The following GPR39 variants were observed in gnomAD, a reference collection of about 807,000 sequenced individuals.
GPR39 encodes the protein G protein-coupled receptor 39.
A neutral mutation model predicts 18.4 loss-of-function variants in GPR39; 23 were observed. That is an observed-to-expected ratio of 1.25 (90% confidence interval 0.90 to 1.77). The LOEUF is 1.77. Among genes scored for constraint, GPR39 ranks in the 40% most tolerant of loss-of-function variants. The probability of loss-of-function intolerance (pLI) is 0.00; values close to 1 mark genes in which losing one functional copy is unlikely to be tolerated. For missense variants in GPR39, 647 were observed against 602.4 expected (o/e 1.07, Z -0.78); for synonymous variants, 280 against 257.9 (o/e 1.09, Z -0.82).
At chr2:132,611,398 G>A (rs72841252) in intron 1 of GPR39, among the ~76,000 whole-genome samples, 23,123 of 152,170 alleles carry the variant, frequency 0.15, 2,048 homozygotes, top group Non-Finnish European at 0.19. Flanking sequence ...TCTCACTGCC[G>A]TCCTTTAGAG....
chr2:132,501,631 G>A (rs1679037889), intron 1 of GPR39, among the ~76,000 whole-genome samples: 1 of 152,016 alleles, frequency 6.6e-6, no homozygotes, highest in Non-Finnish European at 1.5e-5. Flanking sequence ...CATTGTTTAA[G>A]TCCATTGTTT....
chr2:132,510,588 T>G (rs191045307), intron 1 of GPR39, among the ~76,000 whole-genome samples: 1 of 152,310 alleles, frequency 6.6e-6, no homozygotes, highest in African/African-American at 2.4e-5. Context: ...AGTTTCCAAG[T>G]GTTCTTGAGA....
At chr2:132,575,147 CTT>C (rs377368596) in intron 1 of GPR39, among the ~76,000 whole-genome samples, 3 of 152,026 alleles carry the variant, frequency 2.0e-5, no homozygotes, top group African/African-American at 4.8e-5. Context: ...CTTTCTTACT[CTT>C]TTTATGATGC....
chr2:132,511,415 A>G (rs1053887314), intron 1 of GPR39, among the ~76,000 whole-genome samples: 5 of 152,250 alleles, frequency 3.3e-5, no homozygotes, highest in Admixed American at 6.5e-5. Flanking sequence ...ATTCTTCAAT[A>G]CTACACTAAT....
chr2:132,431,562 T>A (rs1287231844), intron 1 of GPR39, among the ~76,000 whole-genome samples: 4 of 152,230 alleles, frequency 2.6e-5, no homozygotes, highest in Non-Finnish European at 5.9e-5. Flanking sequence ...CCCTGCAAAT[T>A]GAGAGGCCAG....
chr2:132,562,743 CCAGCACA>C (rs1680277302), intron 1 of GPR39, among the ~76,000 whole-genome samples: 1 of 151,810 alleles, frequency 6.6e-6, no homozygotes, highest in African/African-American at 2.4e-5. Context: ...GCAGCAAAAC[CCAGCACA>C]CAGTATGCAC....
intron 1 of GPR39, among the ~76,000 whole-genome samples, chr2:132,533,977 T>C (rs571649084): frequency 1.5e-3 from 221 of 151,974 alleles, no homozygotes; most frequent in Non-Finnish European, 1.4e-3. Context: ...GCAACAAAAG[T>C]CAAAATTGAC....
At chr2:132,433,342 C>T (rs996810256) in intron 1 of GPR39, among the ~76,000 whole-genome samples, 3 of 152,110 alleles carry the variant, frequency 2.0e-5, no homozygotes, top group Non-Finnish European at 2.9e-5. Flanking sequence ...CTGTTGCTAT[C>T]GAGGTAAGCT....
At chr2:132,633,688 A>G (rs547228245) in intron 1 of GPR39, among the ~76,000 whole-genome samples, 17 of 151,886 alleles carry the variant, frequency 1.1e-4, no homozygotes, top group African/African-American at 4.1e-4. Context: ...GTGATGAGAT[A>G]ATGACGACAA....
intron 1 of GPR39, among the ~76,000 whole-genome samples, chr2:132,594,821 T>C (rs1246201616): frequency 6.6e-6 from 1 of 152,128 alleles, no homozygotes; most frequent in Non-Finnish European, 1.5e-5. Context: ...ACTTCGCCAC[T>C]CTATGCTTTG....
chr2:132,492,623 C>CAATATATATACACACCATCTATATAT (rs1450627733), intron 1 of GPR39, among the ~76,000 whole-genome samples: 13 of 68,604 alleles, frequency 1.9e-4, no homozygotes, highest in South Asian at 9.3e-4. Context: ...TCTATATATA[C>CAATATATATACACACCATCTATATAT]AATATATATA....
chr2:132,542,305 C>G (rs143237607), intron 1 of GPR39, among the ~76,000 whole-genome samples: 1 of 152,158 alleles, frequency 6.6e-6, no homozygotes, highest in Non-Finnish European at 1.5e-5. Context: ...AGTGAGGTGA[C>G]AAGGTAAAAG....
intron 1 of GPR39, among the ~76,000 whole-genome samples, chr2:132,560,383 G>A (rs1292271495): frequency 6.6e-6 from 1 of 152,098 alleles, no homozygotes; most frequent in African/African-American, 2.4e-5. Context: ...CCCTGAACCT[G>A]GGTCCCCTTC....
At chr2:132,444,665 G>A (rs561341109) in intron 1 of GPR39, among the ~76,000 whole-genome samples, 1 of 152,136 alleles carries the variant, frequency 6.6e-6, no homozygotes, top group African/African-American at 2.4e-5. Flanking sequence ...GTGTTTGGCC[G>A]CTTCATTTAA....
At chr2:132,419,444 A>C (rs539069878) in intron 1 of GPR39, among the ~76,000 whole-genome samples, 2 of 152,298 alleles carry the variant, frequency 1.3e-5, no homozygotes, top group Admixed American at 6.5e-5. Flanking sequence ...AAAATGAAAC[A>C]AGGCAGGACT....
At chr2:132,451,174 T>TGTGTGTGTGTGC (rs3219552) in intron 1 of GPR39, among the ~76,000 whole-genome samples, 20,231 of 150,326 alleles carry the variant, frequency 0.13, 1,655 homozygotes, top group Non-Finnish European at 0.18. Flanking sequence ...TGTGTGTGTG[T>TGTGTGTGTGTGC]GCACGCGCGT....
At chr2:132,446,789 G>T (rs1680545319) in intron 1 of GPR39, among the ~76,000 whole-genome samples, 1 of 152,088 alleles carries the variant, frequency 6.6e-6, no homozygotes. Context: ...CAGGGATGGG[G>T]CTGCAATGAG....
At position 132,546,839 on chromosome 2, in the gene GPR39, C is replaced by CAAAAAAAAAAAAAAAAAAAA. The variant is rs60267293; in HGVS notation, c.857-98255_857-98236dup. On this transcript the variant is annotated intron_variant, in intron 1 of 1. Transcript: ENST00000329321. ...TCTCCAGGATGCAGTAGCTCCACAG[C>CAAAAAAAAAAAAAAAAAAAA]AAAAAAAAAAAAAAAAAAAAAAAAA... Among the ~76,000 whole-genome samples, 20 of 33,970 alleles carry CAAAAAAAAAAAAAAAAAAAA rather than the reference C, an allele frequency of 5.9e-4. 1 individual carries two copies. Among genetic ancestry groups the CAAAAAAAAAAAAAAAAAAAA allele is most frequent in the African/African-American group, 9.9e-4 (11 of 11,070 alleles). 22.3% of individuals were successfully genotyped at this position (33,970 alleles called of 152,430 possible).
intron 1 of GPR39, among the ~76,000 whole-genome samples, chr2:132,516,890 G>A (rs1679343916): frequency 6.6e-6 from 1 of 152,148 alleles, no homozygotes; most frequent in Non-Finnish European, 1.5e-5. Context: ...GAGAAGTAAA[G>A]GAAAGAGAAA....
Sources: allele counts gnomAD v4.1 joint callset (sites outside exome capture counted in the v4.1 genomes callset), GRCh38; gene constraint gnomAD v4.1.1; transcripts MANE v1.5; gene names NCBI Gene and HGNC (gene_info 2026-07-23, HGNC 2026-07-21).